Variants in RALYL observed in about 807,000 individuals in gnomAD.
The protein encoded by RALYL is RNA-binding Raly-like protein.
Under a neutral mutation model 35.1 loss-of-function variants are expected in RALYL, and 29 were observed. The ratio of observed to expected loss-of-function variants is 0.83; its 90% CI spans 0.61 to 1.13. RALYL has a LOEUF of 1.13. Among genes scored for constraint, RALYL ranks in the 50% most tolerant of loss-of-function variants. The probability of loss-of-function intolerance (pLI) is 0.00; values close to 1 mark genes in which losing one functional copy is unlikely to be tolerated. For synonymous variants in RALYL, 120 were observed against 127.6 expected (o/e 0.94, Z 0.40); for missense variants, 359 against 360.4 (o/e 1.00, Z 0.03).
At chr8:84,452,300 G>C (rs573906045) in intron 1 of RALYL, among the ~76,000 whole-genome samples, 1 of 124,956 alleles carries the variant, frequency 8.0e-6, no homozygotes. Context: ...CAGAGTTTGA[G>C]GCAAGTCAAT....
Position 84,638,493 on chromosome 8 carries a change from A to G in RALYL, c.256+108916A>G, listed in dbSNP as rs77419679. Among the ~76,000 whole-genome samples the G allele has an allele frequency of 3.0e-3, 450 of 152,058 alleles. 2 individuals carry two copies. Among genetic ancestry groups the G allele is most frequent in the African/African-American group, 9.7e-3 (403 of 41,528 alleles). On this transcript the variant is annotated intron_variant, in intron 2 of 8. Transcript: ENST00000521268. ...ACCAAATGAAATTGAAACAATAAAA[A>G]ATGCAAAAGATAAATGAAACAAAAA...
chr8:84,868,995 TTTC>T (rs1839694591), intron 6 of RALYL, among the ~76,000 whole-genome samples: 1 of 151,562 alleles, frequency 6.6e-6, no homozygotes, highest in Admixed American at 6.6e-5. Context: ...AGTTGTTCAT[TTTC>T]TTATTATAGG....
rs568305405 is a variant in RALYL at position 84,295,308 on chromosome 8, G to A, written c.-24+110884G>A. Reference sequence around the variant, plus strand: ...AGTGAGTCAATGCCTGTTGATGTTTGTCATTGAGGAGATCTTTAAGGAAGT... The same window carrying A: ...AGTGAGTCAATGCCTGTTGATGTTTATCATTGAGGAGATCTTTAAGGAAGT... On this transcript the variant is annotated intron_variant, in intron 1 of 8. Transcript: ENST00000521268. Among the ~76,000 whole-genome samples the A allele has an allele frequency of 7.4e-4, 113 of 152,238 alleles. 3 individuals carry two copies. The South Asian group carries it at 0.022, about 29-fold the overall frequency.
At chr8:84,774,748 A>AAT in intron 3 of RALYL, 94 bp downstream of exon 3, 1 of 752,228 alleles carries the variant, frequency 1.3e-6, no homozygotes, top group Admixed American at 2.6e-5. Flanking sequence ...CACTATTTAA[A>AAT]ATAATAATCC....
intron 7 of RALYL, among the ~76,000 whole-genome samples, chr8:84,883,402 A>G (rs1013000754): frequency 1.3e-5 from 2 of 152,084 alleles, no homozygotes; most frequent in Non-Finnish European, 2.9e-5. Context: ...TTAAAAAGAA[A>G]AAGAGGTTTA....
chr8:84,468,753 C>T (rs1264164032), intron 1 of RALYL, among the ~76,000 whole-genome samples: 2 of 151,658 alleles, frequency 1.3e-5, no homozygotes, highest in African/African-American at 2.4e-5. Flanking sequence ...CAACTTGGTT[C>T]CATTCTCCCC....
At chr8:84,846,170 C>A (rs1218611313) in intron 4 of RALYL, among the ~76,000 whole-genome samples, 2 of 152,074 alleles carry the variant, frequency 1.3e-5, no homozygotes, top group East Asian at 1.9e-4. Flanking sequence ...TCTTCCAGTT[C>A]TTTAAAAAAT....
intron 1 of RALYL, among the ~76,000 whole-genome samples, chr8:84,504,284 A>C (rs2056972522): frequency 6.6e-6 from 1 of 152,160 alleles, no homozygotes; most frequent in Non-Finnish European, 1.5e-5. Flanking sequence ...TCATTTCACC[A>C]ATCAGATTGA....
chr8:84,429,702 G>A (rs751780637), intron 1 of RALYL, among the ~76,000 whole-genome samples: 3 of 151,962 alleles, frequency 2.0e-5, no homozygotes, highest in Non-Finnish European at 4.4e-5. Context: ...AAATTATTTT[G>A]ATGTGCTAGA....
intron 1 of RALYL, among the ~76,000 whole-genome samples, chr8:84,272,626 A>G (rs1834551980): frequency 6.6e-6 from 1 of 152,234 alleles, no homozygotes; most frequent in Non-Finnish European, 1.5e-5. Flanking sequence ...TTTAGTACTG[A>G]TAACAGAACT....
intron 1 of RALYL, among the ~76,000 whole-genome samples, chr8:84,528,794 C>T (rs969760266): frequency 6.6e-6 from 1 of 151,962 alleles, no homozygotes; most frequent in African/African-American, 2.4e-5. Context: ...TTTAATGGAA[C>T]AAATTGTTAG....
intron 4 of RALYL, among the ~76,000 whole-genome samples, chr8:84,816,699 CACAACAGGGTGACTATAGTCA>C (rs1419844247): frequency 3.3e-5 from 5 of 152,192 alleles, no homozygotes; most frequent in African/African-American, 1.2e-4. Flanking sequence ...TATTTGATTG[CACAACAGGGTGACTATAGTCA>C]ATAATAACAT....
At chr8:84,390,798 G>A (rs963485875) in intron 1 of RALYL, among the ~76,000 whole-genome samples, 3 of 151,856 alleles carry the variant, frequency 2.0e-5, no homozygotes, top group African/African-American at 7.3e-5. Context: ...AGGCATTCTT[G>A]TCATGTCTAA....
In RALYL at chr8:84,581,617, A is replaced by G. The variant is rs75117517; in HGVS notation, c.256+52040A>G. ...AATGATAAGTCTTTGTTCATGTTTCATCTCCATGACTTGTCATGTGTTTTG... is the reference window on the plus strand; with the variant it reads ...AATGATAAGTCTTTGTTCATGTTTCGTCTCCATGACTTGTCATGTGTTTTG... On this transcript the variant is annotated intron_variant, in intron 2 of 8. Transcript: ENST00000521268. Among the ~76,000 whole-genome samples, 922 of 152,268 alleles carry G rather than the reference A, an allele frequency of 6.1e-3. 48 individuals carry two copies. The East Asian group carries it at 0.13, about 22-fold the overall frequency.
At chr8:84,573,114 C>G (rs183405510) in intron 2 of RALYL, among the ~76,000 whole-genome samples, 1 of 151,136 alleles carries the variant, frequency 6.6e-6, no homozygotes, top group African/African-American at 2.4e-5. Context: ...ATATTATTAA[C>G]ACAATATATA....
intron 1 of RALYL, among the ~76,000 whole-genome samples, chr8:84,244,029 G>A (rs948372142): frequency 6.6e-6 from 1 of 152,026 alleles, no homozygotes; most frequent in Non-Finnish European, 1.5e-5. Context: ...ATGTGGCTTA[G>A]TAAATTATTT....
chr8:84,781,841 G>A (rs1012289749), intron 3 of RALYL, among the ~76,000 whole-genome samples: 1 of 152,072 alleles, frequency 6.6e-6, no homozygotes, highest in African/African-American at 2.4e-5. Context: ...GAAAACAGGA[G>A]CAAAATAATC....
intron 4 of RALYL, among the ~76,000 whole-genome samples, chr8:84,844,499 G>T (rs566935059): frequency 2.0e-5 from 3 of 152,298 alleles, no homozygotes; most frequent in Non-Finnish European, 4.4e-5. Flanking sequence ...GGAGAAATAG[G>T]AACACTTTTA....
At chr8:84,557,343 T>C (rs1314237548) in intron 2 of RALYL, among the ~76,000 whole-genome samples, 6 of 152,156 alleles carry the variant, frequency 3.9e-5, no homozygotes, top group African/African-American at 1.4e-4. Context: ...TCAAAGTAAT[T>C]TTCCCCGTGA....
Sources: gnomAD v4.1 joint callset for allele counts (sites outside exome capture counted in the v4.1 genomes callset) on GRCh38, gnomAD v4.1.1 for gene constraint, MANE v1.5 for transcripts, NCBI Gene and HGNC (gene_info 2026-07-23, HGNC 2026-07-21) for gene names.